The following ZMIZ1 variants were observed in gnomAD, a reference collection of about 807,000 sequenced individuals.
ZMIZ1 encodes zinc finger MIZ-type containing 1.
A neutral mutation model predicts 113.9 loss-of-function variants in ZMIZ1; 17 were observed. The ratio of observed to expected loss-of-function variants is 0.15; its 90% CI spans 0.10 to 0.22. ZMIZ1 has a LOEUF of 0.22. Ranked by LOEUF, ZMIZ1 falls within the 10% of genes least tolerant of loss-of-function variation. ZMIZ1 has a pLI of 1.00. For synonymous variants in ZMIZ1, 607 were observed against 603.1 expected (o/e 1.01, Z -0.09); for missense variants, 1,059 against 1,477.8 (o/e 0.72, Z 4.65).
chr10:79,130,993 C>G (rs11002845), intron 2 of ZMIZ1, among the ~76,000 whole-genome samples: 18 of 152,288 alleles, frequency 1.2e-4, no homozygotes, highest in Middle Eastern at 3.4e-3. Flanking sequence ...GCTGCACCCC[C>G]GCCTGACATC....
chr10:79,296,447 C>T lies in ZMIZ1; in HGVS notation c.1231-24C>T, dbSNP rs201195307. 444 of 1,613,144 alleles carry T rather than the reference C, an allele frequency of 2.8e-4. 1 individual carries two copies. In the African/African-American group the frequency reaches 5.4e-3, roughly 19 times the overall value. ...CGTTGGCAACATTGAACGTGTTTCC[C>T]CTCTCCTTTCTCTCCCACCACAGCC... On this transcript the variant is annotated intron_variant, in intron 12 of 24. Coordinates refer to ENST00000334512, the MANE Select transcript of ZMIZ1 (RefSeq NM_020338.4). The surrounding 1 kb of genome is among the most constrained non-coding windows in gnomAD (Gnocchi z 4.1).
chr10:79,091,257 A>G (rs746452516), intron 1 of ZMIZ1, among the ~76,000 whole-genome samples: 2 of 152,024 alleles, frequency 1.3e-5, no homozygotes, highest in Non-Finnish European at 2.9e-5. Context: ...TTGTGAGTAC[A>G]TAAGTAGGTA....
intron 3 of ZMIZ1, among the ~76,000 whole-genome samples, chr10:79,140,396 G>T (rs114612969): frequency 0.025 from 3,840 of 152,266 alleles, 178 homozygotes; most frequent in African/African-American, 0.088. Context: ...GCTAGCTCTG[G>T]CCACGCCACA....
At chr10:79,211,376 A>C (rs1166272912) in intron 6 of ZMIZ1, among the ~76,000 whole-genome samples, 1 of 151,712 alleles carries the variant, frequency 6.6e-6, no homozygotes, top group Non-Finnish European at 1.5e-5. Flanking sequence ...GAAGAACGGA[A>C]TGTGGGAGGT....
intron 8 of ZMIZ1, among the ~76,000 whole-genome samples, chr10:79,280,747 C>T (rs1488173390): frequency 9.0e-6 from 1 of 110,910 alleles, no homozygotes; most frequent in Non-Finnish European, 2.0e-5. Flanking sequence ...AGTACCCTCC[C>T]ACATTTGAGT....
In ZMIZ1 at chr10:79,142,247, T is replaced by C. The variant is rs1324574582; in HGVS notation, c.-131+2470T>C. 2.0e-5 allele frequency among the ~76,000 whole-genome samples: 3 copies of C among 152,266 alleles called. No homozygotes were observed. In the South Asian group the frequency reaches 6.2e-4, roughly 32 times the overall value. The stretch of plus-strand genomic sequence containing the variant: ...AAGATTGAGGGGGCAGCTGGAAATA[T>C]GAGTCGGGAAGGCAGAGAGAGGTCC... On this transcript the variant is annotated intron_variant, in intron 3 of 24. Coordinates refer to ENST00000334512, the MANE Select transcript of ZMIZ1 (RefSeq NM_020338.4).
intron 2 of ZMIZ1, among the ~76,000 whole-genome samples, chr10:79,125,416 C>A (rs556104327): frequency 3.8e-4 from 58 of 152,304 alleles, no homozygotes; most frequent in Non-Finnish European, 6.9e-4. Context: ...TCCCTCTGGC[C>A]GTCCCAGGGT....
At position 79,183,324 on chromosome 10, in the gene ZMIZ1, C is replaced by T. The variant is rs114633504; in HGVS notation, c.-49-18260C>T. Among the ~76,000 whole-genome samples, 1,156 of 151,992 alleles carry T rather than the reference C, an allele frequency of 7.6e-3. 12 individuals carry two copies. The highest frequency in any genetic ancestry group is 0.024 in the South Asian group (116 of 4,808). On this transcript the variant is annotated intron_variant, in intron 4 of 24. Coordinates refer to ENST00000334512, the MANE Select transcript of ZMIZ1 (RefSeq NM_020338.4). ...GTTATAAATCAGCTGCATGCACACC[C>T]GGGACGCAGCACAGGCCTGAGGCTC...
At chr10:79,307,015 T>C (rs1211405562) in intron 22 of ZMIZ1, among the ~76,000 whole-genome samples, 1 of 152,212 alleles carries the variant, frequency 6.6e-6, no homozygotes, top group African/African-American at 2.4e-5. Context: ...GCAGCTTTCT[T>C]TGTGGGCTTG....
chr10:79,218,375 T>G (rs1409620215), intron 7 of ZMIZ1, among the ~76,000 whole-genome samples: 3 of 151,916 alleles, frequency 2.0e-5, no homozygotes, highest in Non-Finnish European at 2.9e-5. Flanking sequence ...CTTGGGAGGC[T>G]GGGGTGGGAG....
intron 1 of ZMIZ1, among the ~76,000 whole-genome samples, chr10:79,072,136 G>A (rs1316292224): frequency 6.6e-6 from 1 of 152,128 alleles, no homozygotes; most frequent in Non-Finnish European, 1.5e-5. Context: ...TTCTTTGTGG[G>A]GACAAAATGT....
chr10:79,167,270 T>C (rs1184242629), intron 4 of ZMIZ1, among the ~76,000 whole-genome samples: 1 of 152,246 alleles, frequency 6.6e-6, no homozygotes, highest in Non-Finnish European at 1.5e-5. Flanking sequence ...GATGGTAATG[T>C]ATTGGATTCA....
chr10:79,265,958 G>A (rs932847942), intron 7 of ZMIZ1, among the ~76,000 whole-genome samples: 7 of 152,178 alleles, frequency 4.6e-5, no homozygotes, highest in Non-Finnish European at 1.0e-4. Flanking sequence ...CCCTGCTAGC[G>A]GTGTGGAGAG....
At chr10:79,307,594 A>T in intron 23 of ZMIZ1, 23 bp downstream of exon 23, 1 of 1,595,772 alleles carries the variant, frequency 6.3e-7, no homozygotes. Context: ...TCCTCACCCC[A>T]TTCCATTCCC....
intron 12 of ZMIZ1, 111 bp downstream of exon 12, chr10:79,293,764 G>C (rs1342808581): frequency 3.9e-6 from 6 of 1,522,348 alleles, no homozygotes. Context: ...CAGCACACTT[G>C]GACAAAGAGG....
intron 3 of ZMIZ1, among the ~76,000 whole-genome samples, chr10:79,153,389 G>A (rs1264785401): frequency 1.3e-5 from 2 of 152,250 alleles, no homozygotes; most frequent in Non-Finnish European, 2.9e-5. Context: ...CAAGGGATGG[G>A]AGGCACTTGC....
intron 3 of ZMIZ1, among the ~76,000 whole-genome samples, chr10:79,160,923 A>C (rs908512518): frequency 6.6e-6 from 1 of 152,232 alleles, no homozygotes; most frequent in Non-Finnish European, 1.5e-5. Flanking sequence ...ACGGCCTTGC[A>C]TCGGGGCACC....
At chr10:79,200,967 G>A (rs753804892) in intron 4 of ZMIZ1, among the ~76,000 whole-genome samples, 1 of 152,156 alleles carries the variant, frequency 6.6e-6, no homozygotes. Context: ...AATCCAAGGG[G>A]AATTGCCACC....
At chr10:79,200,553 C>G (rs10128172) in intron 4 of ZMIZ1, among the ~76,000 whole-genome samples, 41,619 of 152,182 alleles carry the variant, frequency 0.27, 5,862 homozygotes, top group East Asian at 0.36. Flanking sequence ...TGCACCCGCA[C>G]TGTCAGCCTT....
Sources: allele counts gnomAD v4.1 joint callset (sites outside exome capture counted in the v4.1 genomes callset), GRCh38; gene constraint gnomAD v4.1.1; non-coding constraint Gnocchi (gnomAD v3.1); transcripts MANE v1.5; gene names NCBI Gene and HGNC (gene_info 2026-07-23, HGNC 2026-07-21).